The following EPHA6 variants were observed in gnomAD, a reference collection of about 807,000 sequenced individuals.
EPHA6 encodes the protein ephrin type-A receptor 6.
EPHA6 carries 50 observed loss-of-function variants against 112.0 expected under a neutral mutation model. That is an observed-to-expected ratio of 0.45 (90% CI 0.36 to 0.56). The LOEUF (loss-of-function observed/expected upper bound fraction) is 0.56. EPHA6 is among the 20% of genes least tolerant of loss of function. The pLI is 0.00. For synonymous variants in EPHA6, 529 were observed against 490.7 expected (o/e 1.08, Z -1.03); for missense variants, 1,280 against 1,417.4 (o/e 0.90, Z 1.56).
chr3:97,565,463 T>G (rs1197479059), intron 11 of EPHA6, among the ~76,000 whole-genome samples: 1 of 152,204 alleles, frequency 6.6e-6, no homozygotes, highest in Admixed American at 6.5e-5. Context: ...TAATGGTAAC[T>G]GAATATCAAA....
intron 10 of EPHA6, among the ~76,000 whole-genome samples, chr3:97,523,881 A>C (rs1459550991): frequency 6.6e-6 from 1 of 151,604 alleles, no homozygotes; most frequent in East Asian, 1.9e-4. Context: ...TAATCACCTC[A>C]CTCTGTATTG....
intron 3 of EPHA6, among the ~76,000 whole-genome samples, chr3:97,070,186 C>T (rs1057337471): frequency 3.3e-5 from 5 of 152,082 alleles, no homozygotes; most frequent in African/African-American, 1.2e-4. Context: ...CCAATATTAT[C>T]TTTGTCATCT....
chr3:96,968,409 C>T (rs2042202278), intron 2 of EPHA6, among the ~76,000 whole-genome samples: 1 of 151,336 alleles, frequency 6.6e-6, no homozygotes, highest in Non-Finnish European at 1.5e-5. Context: ...CACACACACA[C>T]ACACACATTC....
intron 3 of EPHA6, among the ~76,000 whole-genome samples, chr3:97,034,555 A>G (rs1227754042): frequency 1.3e-5 from 2 of 151,914 alleles, no homozygotes; most frequent in Non-Finnish European, 2.9e-5. Context: ...CCTTGCTTAA[A>G]GTCACCTCCA....
Position 97,510,932 on chromosome 3 carries a change from C to T in EPHA6, c.2201-21426C>T, listed in dbSNP as rs531564039. On this transcript the variant is annotated intron_variant, in intron 10 of 17. Transcript: ENST00000389672. ...AGGCAGTCTGGCTACAGCAGCTTTG[C>T]GGAGTTGTGGTGGGCTCCGCCCAGT... is the stretch of plus-strand genomic sequence containing the variant. Among the ~76,000 whole-genome samples the T allele has an allele frequency of 1.4e-3, 211 of 152,318 alleles. 1 individual carries two copies. The highest frequency in any genetic ancestry group is 6.8e-3 in the Middle Eastern group (2 of 294).
intron 14 of EPHA6, among the ~76,000 whole-genome samples, chr3:97,712,727 G>A: frequency 6.6e-6 from 1 of 152,162 alleles, no homozygotes; most frequent in East Asian, 1.9e-4. Flanking sequence ...CAATTTAAGA[G>A]GAAGCAGGTG....
intron 6 of EPHA6, among the ~76,000 whole-genome samples, chr3:97,420,988 G>T (rs934922387): frequency 6.6e-6 from 1 of 152,022 alleles, no homozygotes; most frequent in Non-Finnish European, 1.5e-5. Flanking sequence ...TGCAGAAAAG[G>T]CATTTCATGT....
chr3:96,855,956 T>C (rs914867030), intron 1 of EPHA6, among the ~76,000 whole-genome samples: 4 of 152,236 alleles, frequency 2.6e-5, no homozygotes, highest in African/African-American at 9.6e-5. Context: ...GGCTTTCACC[T>C]GTAATCACAG....
intron 1 of EPHA6, among the ~76,000 whole-genome samples, chr3:96,862,918 A>T (rs564168429): frequency 6.6e-6 from 1 of 152,118 alleles, no homozygotes; most frequent in East Asian, 1.9e-4. Context: ...AGGCAACTCT[A>T]ATACACTAAA....
intron 5 of EPHA6, among the ~76,000 whole-genome samples, chr3:97,389,860 T>G (rs1296969455): frequency 6.6e-6 from 1 of 152,086 alleles, no homozygotes; most frequent in Non-Finnish European, 1.5e-5. Context: ...GGGAAAAAAA[T>G]GAAACATATG....
At chr3:97,309,600 GGTA>G (rs2081463516) in intron 5 of EPHA6, among the ~76,000 whole-genome samples, 1 of 151,278 alleles carries the variant, frequency 6.6e-6, no homozygotes, top group Admixed American at 6.6e-5. Context: ...TTTAAAAATT[GGTA>G]GTTTACTGGT....
chr3:97,100,255 T>TTA (rs1410920189), intron 3 of EPHA6, among the ~76,000 whole-genome samples: 36 of 149,192 alleles, frequency 2.4e-4, no homozygotes, highest in African/African-American at 7.3e-4. Context: ...TCTATATATT[T>TTA]TATATATATA....
In EPHA6 at chr3:97,292,258, G is replaced by A. The variant is rs551145771; in HGVS notation, c.1606+47971G>A. ...CGGCGTGTCAGAGCCCTGGCTCAGG[G>A]AGCCCCAAGGTCTGCGCTCCTAGAA... On this transcript the variant is annotated intron_variant, in intron 5 of 17. Transcript: ENST00000389672. Among the ~76,000 whole-genome samples, 334 of 152,368 alleles carry A rather than the reference G, an allele frequency of 2.2e-3. 3 individuals are homozygous for A. The highest frequency in any genetic ancestry group is 7.8e-3 in the African/African-American group (323 of 41,592).
intron 13 of EPHA6, among the ~76,000 whole-genome samples, chr3:97,616,893 C>G (rs1178925565): frequency 6.6e-6 from 1 of 152,090 alleles, no homozygotes; most frequent in African/African-American, 2.4e-5. Flanking sequence ...CCCAACCAAG[C>G]TAGACAGGCC....
At chr3:97,342,524 G>A (rs1345031907) in intron 5 of EPHA6, among the ~76,000 whole-genome samples, 3 of 152,192 alleles carry the variant, frequency 2.0e-5, no homozygotes, top group East Asian at 1.9e-4. Flanking sequence ...GCTTGCACAT[G>A]ATACCTTTGA....
intron 11 of EPHA6, among the ~76,000 whole-genome samples, chr3:97,558,435 G>A (rs1206582487): frequency 6.6e-6 from 1 of 151,932 alleles, no homozygotes; most frequent in African/African-American, 2.4e-5. Flanking sequence ...TTCAGTCAAT[G>A]AGTAAATCTT....
chr3:97,084,303 C>A lies in EPHA6; in HGVS notation c.1114+96310C>A, dbSNP rs961448856. ...AAAAGTTAGAGCCAAATATCCTTGA[C>A]TTTGTCCAGCCAATCGTATAGCCCT... On this transcript the variant is annotated intron_variant, in intron 3 of 17. Transcript: ENST00000389672. Among the ~76,000 whole-genome samples the A allele has an allele frequency of 6.0e-5, 9 of 151,082 alleles. No homozygotes were observed. In the East Asian group the frequency reaches 1.8e-3, roughly 30 times the overall value.
intron 5 of EPHA6, among the ~76,000 whole-genome samples, chr3:97,280,889 C>G (rs1392326106): frequency 6.6e-6 from 1 of 152,156 alleles, no homozygotes; most frequent in Non-Finnish European, 1.5e-5. Context: ...AGCAATTTGA[C>G]TCTGTATCCC....
rs142426516 is a variant in EPHA6 at position 97,111,567 on chromosome 3, T to C, written c.1115-114697T>C. On this transcript the variant is annotated intron_variant, in intron 3 of 17. Coordinates refer to ENST00000389672, the MANE Select transcript of EPHA6 (RefSeq NM_001080448.3). ...TTAAATGAATCGTTAAAATTATATT[T>C]TTCCCTGGAAACAAAATGTAATTGC... Among the ~76,000 whole-genome samples, 18 of 152,216 alleles carry C rather than the reference T, an allele frequency of 1.2e-4. No homozygotes were observed. The East Asian group carries it at 3.5e-3, about 29-fold the overall frequency.
Sources: gnomAD v4.1 joint callset for allele counts (sites outside exome capture counted in the v4.1 genomes callset) on GRCh38, gnomAD v4.1.1 for gene constraint, MANE v1.5 for transcripts, NCBI Gene and HGNC (gene_info 2026-07-23, HGNC 2026-07-21) for gene names.